MYEOV: variants seen among roughly 807,000 people sequenced by gnomAD.
MYEOV encodes the protein myeloma overexpressed, also known as myeloma-overexpressed gene protein.
In MYEOV, 4 loss-of-function variants were observed where a neutral mutation model predicts 4.5. That is an observed-to-expected ratio of 0.89 (90% CI 0.44 to 2.03). MYEOV has a LOEUF of 2.03. Among genes scored for constraint, MYEOV ranks in the 30% most tolerant of loss-of-function variants. MYEOV has a pLI of 0.03. For synonymous variants in MYEOV, 184 were observed against 170.3 expected (o/e 1.08, Z -0.63); for missense variants, 408 against 412.8 (o/e 0.99, Z 0.10).
Position 69,295,373 on chromosome 11 carries a change from G to C in MYEOV, c.19G>C (p.Val7Leu). The change falls in exon 2 of 3, where the codon GTC (valine) becomes CTC (leucine). Residue 7 changes from valine to leucine, a missense_variant. Val to Leu is a conservative substitution (Grantham distance 32, BLOSUM62 1). Coordinates refer to ENST00000441339, the MANE Select transcript of MYEOV (RefSeq NM_001293291.2). This position sits in a 1 kb window ranked among gnomAD's most constrained non-coding sequence, Gnocchi z 4.1. ...TCGGCTCATGGCCCTCAGAATCTGCGTCACATACACCCCAGCTCTCCCGAT... is the reference window on the plus strand; with the variant it reads ...TCGGCTCATGGCCCTCAGAATCTGCCTCACATACACCCCAGCTCTCCCGAT... MALRIC[V>L]TYTPALPIGL... The C allele has an allele frequency of 6.2e-7, 1 of 1,609,706 alleles. No homozygotes were observed. The highest frequency in any genetic ancestry group is 8.5e-7 in the Non-Finnish European group (1 of 1,177,898).
At position 69,295,635 on chromosome 11, in the gene MYEOV, G is replaced by T. The variant is rs375012773; in HGVS notation, c.185G>T (p.Arg62Leu). The change falls in exon 3 of 3, where the codon CGG becomes CTG. Residue 62 changes from arginine to leucine, a missense_variant. Coordinates refer to ENST00000441339, the MANE Select transcript of MYEOV (RefSeq NM_001293291.2). The surrounding 1 kb of genome is among the most constrained non-coding windows in gnomAD (Gnocchi z 4.1). ...GDRDSLLMFT[R>L]QAGHFVEGSK... ...AGGGACTCGTTGCTCATGTTCACCC[G>T]GCAGGCTGGACACTTCGTGGAGGGC... The T allele has an allele frequency of 6.2e-7, 1 of 1,614,032 alleles. No individual in the cohort carries two copies. The highest frequency in any genetic ancestry group is 8.5e-7 in the Non-Finnish European group (1 of 1,179,976).
rs1162196240 is a variant in MYEOV at position 69,296,191 on chromosome 11, C to T, written c.741C>T (p.Cys247=). The part of the protein sequence containing the change: ...LTLHRHPTPH[C]STWGLPLRVA... ...TCCACCGGCACCCCACCCCTCACTGCTCCACCTGGGGCCTGCCTCTGCGGG... is the reference window on the plus strand; with the variant it reads ...TCCACCGGCACCCCACCCCTCACTGTTCCACCTGGGGCCTGCCTCTGCGGG... The change falls in exon 3 of 3, where the codon TGC becomes TGT. Residue 247 remains cysteine, a synonymous_variant. Transcript: ENST00000441339. 6.2e-7 allele frequency: 1 copy of T among 1,613,584 alleles called. No homozygotes were observed. Among genetic ancestry groups the T allele is most frequent in the South Asian group, 1.1e-5 (1 of 91,010 alleles).
Position 69,296,266 on chromosome 11 carries a change from G to T in MYEOV, c.816G>T (p.Trp272Cys). ...TGACTGTTGAGGCCCTGGGGGGGTG[G>T]CGCATGGGAGTTAGGAGGACTGGCC... is the stretch of plus-strand genomic sequence containing the variant. ...TVVTVEALGG[W>C]RMGVRRTGQV... The change falls in exon 3 of 3, where the codon TGG becomes TGT. Residue 272 changes from tryptophan (W) to cysteine (C), a missense_variant. Trp to Cys is a radical substitution (Grantham distance 215). Transcript: ENST00000441339. 2 of 1,580,678 alleles carry T rather than the reference G, an allele frequency of 1.3e-6. No homozygotes were observed. The highest frequency in any genetic ancestry group is 2.2e-5 in the East Asian group (1 of 44,534).
At position 69,295,182 on chromosome 11, in the gene MYEOV, C is replaced by T. The variant is rs1455393897; in HGVS notation, c.-122-51C>T. On this transcript the variant is annotated intron_variant, in intron 1 of 2. Coordinates refer to ENST00000441339, the MANE Select transcript of MYEOV (RefSeq NM_001293291.2). This position sits in a 1 kb window ranked among gnomAD's most constrained non-coding sequence, Gnocchi z 4.1. ...TCATCCTCCCCATGGTCAAGGAGGT[C>T]AGTGCCTTCCCGGGGTGGATTACGG... 19 of 1,126,142 alleles carry T rather than the reference C, an allele frequency of 1.7e-5. No individual in the cohort carries two copies. The highest frequency in any genetic ancestry group is 2.2e-5 in the Non-Finnish European group (18 of 815,640). The allele number at this position is 1,126,142 out of a possible 1,614,324, so 69.8% of individuals were successfully genotyped here. A position where few individuals can be genotyped will look rare whatever the true frequency, so the allele number is the denominator to read the frequency against.
chr11:69,296,288 G>C lies in MYEOV; in HGVS notation c.838G>C (p.Gly280Arg). The change falls in exon 3 of 3, where the codon GGC (glycine) becomes CGC (arginine). Residue 280 changes from glycine (G) to arginine (R), a missense_variant. Gly to Arg is a moderately radical substitution (Grantham distance 125). Transcript: ENST00000441339. ...GTGGCGCATGGGAGTTAGGAGGACT[G>C]GCCAGGTGGGGCCCACTATGCACCC... ...GGWRMGVRRT[G>R]QVGPTMHPPP... is the part of the protein sequence containing the mutation. 6.4e-7 allele frequency: 1 copy of C among 1,554,850 alleles called. No individual in the cohort carries two copies. The highest frequency in any genetic ancestry group is 8.7e-7 in the Non-Finnish European group (1 of 1,148,302).
chr11:69,295,515 C>G lies in MYEOV; in HGVS notation c.141+20C>G, dbSNP rs780944874. ...CACCAGGTGCCGACACTTCCCTGACCCCAGTAACCTCTTCTCTTGGGTGGG... is the reference window on the plus strand; with the variant it reads ...CACCAGGTGCCGACACTTCCCTGACGCCAGTAACCTCTTCTCTTGGGTGGG... On this transcript the variant is annotated intron_variant, in intron 2 of 2. Transcript: ENST00000441339. This position sits in a 1 kb window ranked among gnomAD's most constrained non-coding sequence, Gnocchi z 4.1. 1 of 1,613,850 alleles carries G rather than the reference C, an allele frequency of 6.2e-7. No individual in the cohort carries two copies. The highest frequency in any genetic ancestry group is 8.5e-7 in the Non-Finnish European group (1 of 1,179,838).
Position 69,295,489 on chromosome 11 carries a change from C to G in MYEOV, c.135C>G (p.Leu45=). Residue 45 remains leucine (L), a synonymous_variant, in exon 2 of 3, where the codon CTC becomes CTG. Coordinates refer to ENST00000441339, the MANE Select transcript of MYEOV (RefSeq NM_001293291.2). This position sits in a 1 kb window ranked among gnomAD's most constrained non-coding sequence, Gnocchi z 4.1. The part of the protein sequence containing the change: ...LRGVSFLTFH[L]HQSVPLGDRD... Reference sequence around the variant, plus strand: ...GTGTGTCCTTCCTGACCTTCCACCTCCACCAGGTGCCGACACTTCCCTGAC... The same window carrying G: ...GTGTGTCCTTCCTGACCTTCCACCTGCACCAGGTGCCGACACTTCCCTGAC... The G allele has an allele frequency of 6.2e-7, 1 of 1,614,152 alleles. No homozygotes were observed. Among genetic ancestry groups the G allele is most frequent in the Non-Finnish European group, 8.5e-7 (1 of 1,180,012 alleles).
In MYEOV at chr11:69,296,201, G is replaced by A. The variant is rs777511315; in HGVS notation, c.751G>A (p.Gly251Ser). 3 of 1,612,756 alleles carry A rather than the reference G, an allele frequency of 1.9e-6. No individual in the cohort carries two copies. The highest frequency in any genetic ancestry group is 8.5e-7 in the Non-Finnish European group (1 of 1,179,110). ...RHPTPHCSTW[G>S]LPLRVAGSWL... ...CCCCACCCCTCACTGCTCCACCTGG[G>A]GCCTGCCTCTGCGGGTGGCTGGGTC... Residue 251 changes from glycine (G) to serine (S), a missense_variant, in exon 3 of 3, where the codon GGC becomes AGC. Transcript: ENST00000441339.
Position 69,296,060 on chromosome 11 carries a change from C to T in MYEOV, c.610C>T (p.Arg204Cys), listed in dbSNP as rs150423809. Residue 204 changes from arginine to cysteine, a missense_variant, in exon 3 of 3, where the codon CGC (arginine) becomes TGC (cysteine). Physicochemically the swap from Arg to Cys is radical, Grantham distance 180 (BLOSUM62 -3). Transcript: ENST00000441339. ...IMWARMDVAL[R>C]SPGRGLLAGA... ...GTGGGCGCGAATGGATGTGGCTCTG[C>T]GCTCACCTGGGCGAGGACTTCTGGC... 2.2e-3 allele frequency: 3,483 copies of T among 1,614,114 alleles called. 5 individuals are homozygous for T. Among genetic ancestry groups the T allele is most frequent in the Middle Eastern group, 5.1e-3 (31 of 6,062 alleles).
At position 69,296,499 on chromosome 11, in the gene MYEOV, A is replaced by G. The variant is rs1053679728; in HGVS notation, c.*107A>G. The G allele has an allele frequency of 6.7e-6, 5 of 742,630 alleles. No homozygotes were observed. The highest frequency in any genetic ancestry group is 1.0e-5 in the Non-Finnish European group (5 of 487,508). 46.0% of individuals were successfully genotyped at this position (742,630 alleles called of 1,614,324 possible). On this transcript the variant is annotated 3_prime_UTR_variant, in exon 3 of 3. Coordinates refer to ENST00000441339, the MANE Select transcript of MYEOV (RefSeq NM_001293291.2). ...CCCCACTTAACAGATGAGGAAACTG[A>G]GGCCTAGAGAAGCTCAACAAGTTGC...
In MYEOV at chr11:69,296,215, G is replaced by T. The variant is rs374218108; in HGVS notation, c.765G>T (p.Arg255=). The T allele has an allele frequency of 5.6e-6, 9 of 1,610,942 alleles. 1 individual carries two copies. The African/African-American group carries it at 8.0e-5, about 14-fold the overall frequency. The change falls in exon 3 of 3, where the codon CGG becomes CGT. Residue 255 remains arginine (R), a synonymous_variant. Transcript: ENST00000441339. ...GCTCCACCTGGGGCCTGCCTCTGCG[G>T]GTGGCTGGGTCCTGGCTGACTGTTG... The part of the protein sequence containing the change: ...PHCSTWGLPL[R]VAGSWLTVVT...
rs117663540 is a variant in MYEOV at position 69,296,724 on chromosome 11, C to T, written c.*332C>T. On this transcript the variant is annotated 3_prime_UTR_variant, in exon 3 of 3. Transcript: ENST00000441339. ...CTCAGCTGGTTAGAGGCTGGGAGGA[C>T]ACGCAAGTTCAGCTCCAGCCGACTG... The T allele has an allele frequency of 7.2e-4, 199 of 274,756 alleles. No homozygotes were observed. The East Asian group carries it at 0.013, about 18-fold the overall frequency. The allele number at this position is 274,756 out of a possible 1,614,324, so 17.0% of individuals were successfully genotyped here. A position where few individuals can be genotyped will look rare whatever the true frequency, so the allele number is the denominator to read the frequency against.
chr11:69,295,101 G>A lies in MYEOV; in HGVS notation c.-122-132G>A, dbSNP rs1855142424. ...GTCCCAGCTTCCAGGATCATGAGGTGAAAACGTGAAGGGACCCTAGAGGCC... is the reference window on the plus strand; with the variant it reads ...GTCCCAGCTTCCAGGATCATGAGGTAAAAACGTGAAGGGACCCTAGAGGCC... On this transcript the variant is annotated intron_variant, in intron 1 of 2. Transcript: ENST00000441339. This position sits in a 1 kb window ranked among gnomAD's most constrained non-coding sequence, Gnocchi z 4.1. The A allele has an allele frequency of 3.5e-5, 19 of 536,916 alleles. No individual in the cohort carries two copies. The South Asian group carries it at 4.5e-4, about 13-fold the overall frequency. The allele number at this position is 536,916 out of a possible 1,614,324, so 33.3% of individuals were successfully genotyped here.
chr11:69,295,610 A>G lies in MYEOV; in HGVS notation c.160A>G (p.Arg54Gly). Residue 54 changes from arginine to glycine, a missense_variant, in exon 3 of 3, where the codon AGG (arginine) becomes GGG (glycine). By Grantham distance (125) the Arg-to-Gly change is moderately radical. Transcript: ENST00000441339. This position sits in a 1 kb window ranked among gnomAD's most constrained non-coding sequence, Gnocchi z 4.1. Reference protein sequence around the residue: ...HLHQSVPLGDRDSLLMFTRQA... With the variant: ...HLHQSVPLGDGDSLLMFTRQA... ...TCTGTAGTCTGTCCCCCTTGGGGAC[A>G]GGGACTCGTTGCTCATGTTCACCCG... 6.2e-7 allele frequency: 1 copy of G among 1,613,706 alleles called. No homozygotes were observed. The highest frequency in any genetic ancestry group is 8.5e-7 in the Non-Finnish European group (1 of 1,179,784).
Position 69,295,416 on chromosome 11 carries a change from G to C in MYEOV, c.62G>C (p.Cys21Ser). The change falls in exon 2 of 3, where the codon TGT (cysteine) becomes TCT (serine). Residue 21 changes from cysteine to serine, a missense_variant. Cys to Ser is a moderately radical substitution (Grantham distance 112, BLOSUM62 -1). Transcript: ENST00000441339. The surrounding 1 kb of genome is among the most constrained non-coding windows in gnomAD (Gnocchi z 4.1). ...PALPIGLCTR[C>S]CLCLEQSPSW... is the part of the protein sequence containing the mutation. ...CTCCCGATAGGTCTCTGCACTCGCTGTTGCCTCTGCCTGGAACAGTCTCCC... is the reference window on the plus strand; with the variant it reads ...CTCCCGATAGGTCTCTGCACTCGCTCTTGCCTCTGCCTGGAACAGTCTCCC... 1.9e-6 allele frequency: 3 copies of C among 1,613,912 alleles called. No homozygotes were observed. The highest frequency in any genetic ancestry group is 2.5e-6 in the Non-Finnish European group (3 of 1,179,814).
chr11:69,296,749 G>A lies in MYEOV; in HGVS notation c.*357G>A, dbSNP rs899071974. 3 of 238,968 alleles carry A rather than the reference G, an allele frequency of 1.3e-5. No individual in the cohort carries two copies. Among genetic ancestry groups the A allele is most frequent in the Non-Finnish European group, 2.4e-5 (3 of 122,508 alleles). The allele number at this position is 238,968 out of a possible 1,614,324, so 14.8% of individuals were successfully genotyped here. On this transcript the variant is annotated 3_prime_UTR_variant, in exon 3 of 3. Coordinates refer to ENST00000441339, the MANE Select transcript of MYEOV (RefSeq NM_001293291.2). ...CACGCAAGTTCAGCTCCAGCCGACT[G>A]GGGCATTGGTGGTAGCCCCTGGAGA...
In MYEOV at chr11:69,296,951, A is replaced by G. The variant is rs988374581; in HGVS notation, c.*559A>G. The G allele has an allele frequency of 1.3e-5, 2 of 152,414 alleles. No homozygotes were observed. The highest frequency in any genetic ancestry group is 4.8e-5 in the African/African-American group (2 of 41,450). 9.4% of individuals were successfully genotyped at this position (152,414 alleles called of 1,614,324 possible). A position where few individuals can be genotyped will look rare whatever the true frequency, so the allele number is the denominator to read the frequency against. ...CCAGACACTGTGCTGGGTGTGTTGC[A>G]TGGCCCTCCCAACCAATTCAGTATT... On this transcript the variant is annotated 3_prime_UTR_variant, in exon 3 of 3. Coordinates refer to ENST00000441339, the MANE Select transcript of MYEOV (RefSeq NM_001293291.2).
rs117131950 is a variant in MYEOV, at chr11:69,295,686, G to A, written c.236G>A (p.Arg79His). The A allele has an allele frequency of 4.2e-3, 6,763 of 1,614,144 alleles. 19 individuals are homozygous for A. Among genetic ancestry groups the A allele is most frequent in the Non-Finnish European group, 5.0e-3 (5,860 of 1,180,034 alleles). The stretch of plus-strand genomic sequence containing the variant: ...TCCAAAGCCGGCAGATCCCGGGGCC[G>A]CCTCTGTCTCTCCCAGGCCCTGCGT... ...EGSKAGRSRG[R>H]LCLSQALRVA... Residue 79 changes from arginine to histidine, a missense_variant, in exon 3 of 3, where the codon CGC becomes CAC. By Grantham distance (29) the Arg-to-His change is conservative (BLOSUM62 0). Coordinates refer to ENST00000441339, the MANE Select transcript of MYEOV (RefSeq NM_001293291.2). This position sits in a 1 kb window ranked among gnomAD's most constrained non-coding sequence, Gnocchi z 4.1.
rs1855114665 is a variant in MYEOV, at chr11:69,294,204, G to A, written c.-495G>A. Reference sequence around the variant, plus strand: ...CCTACAAAGCAGGAAAGTATGCTTGGGAGAGGCCAAGTGAGTGGGGAATCA... The same window carrying A: ...CCTACAAAGCAGGAAAGTATGCTTGAGAGAGGCCAAGTGAGTGGGGAATCA... On this transcript the variant is annotated 5_prime_UTR_variant, in exon 1 of 3. Coordinates refer to ENST00000441339, the MANE Select transcript of MYEOV (RefSeq NM_001293291.2). 1 of 152,308 alleles carries A rather than the reference G, an allele frequency of 6.6e-6. No homozygotes were observed. Among genetic ancestry groups the A allele is most frequent in the East Asian group, 1.9e-4 (1 of 5,204 alleles). 9.4% of individuals were successfully genotyped at this position (152,308 alleles called of 1,614,324 possible). A position where few individuals can be genotyped will look rare whatever the true frequency, so the allele number is the denominator to read the frequency against.
Sources: allele counts gnomAD v4.1 joint callset, GRCh38; gene constraint gnomAD v4.1.1; non-coding constraint Gnocchi (gnomAD v3.1); transcripts MANE v1.5; gene names NCBI Gene and HGNC (gene_info 2026-07-23, HGNC 2026-07-21).